MAP4K4: variants seen among roughly 807,000 people sequenced by gnomAD.
MAP4K4 encodes the protein mitogen-activated protein kinase kinase kinase kinase 4.
Under a neutral mutation model 189.6 loss-of-function variants are expected in MAP4K4, and 38 were observed. The observed-to-expected ratio is 0.20, with a 90% CI of 0.15 to 0.26. The LOEUF (loss-of-function observed/expected upper bound fraction) is 0.26. MAP4K4 is among the 10% of genes least tolerant of loss of function. The pLI is 1.00. For missense variants in MAP4K4, 1,054 were observed against 1,726.9 expected (o/e 0.61, Z 6.91); for synonymous variants, 610 against 624.3 (o/e 0.98, Z 0.34).
intron 12 of MAP4K4, among the ~76,000 whole-genome samples, chr2:101,854,297 A>G (rs1216920240): frequency 6.6e-6 from 1 of 152,238 alleles, no homozygotes; most frequent in Non-Finnish European, 1.5e-5. Context: ...ACCTTGATAA[A>G]TAAAGATGGC....
chr2:101,805,795 A>G (rs543798824), intron 3 of MAP4K4, among the ~76,000 whole-genome samples: 2 of 152,338 alleles, frequency 1.3e-5, no homozygotes, highest in East Asian at 3.9e-4. Context: ...TTGTTGGCTT[A>G]CACAGCTTTC....
intron 3 of MAP4K4, among the ~76,000 whole-genome samples, chr2:101,814,624 G>A (rs955008166): frequency 5.9e-5 from 9 of 152,168 alleles, no homozygotes; most frequent in Non-Finnish European, 1.3e-4. Context: ...CATATTGGCA[G>A]ACTATAGCAA....
intron 5 of MAP4K4, 42 bp from the exon 6 acceptor site, chr2:101,829,462 A>G: frequency 7.5e-7 from 1 of 1,342,048 alleles, no homozygotes; most frequent in Non-Finnish European, 1.1e-6. Flanking sequence ...GTTTACTTAT[A>G]GTCACAGAAA....
intron 7 of MAP4K4, 114 bp downstream of exon 7, chr2:101,831,965 C>A (rs2096606184): frequency 7.8e-7 from 1 of 1,289,224 alleles, no homozygotes; most frequent in Non-Finnish European, 1.1e-6. Flanking sequence ...GGGAGGAAGA[C>A]CTTCAGTGAG....
chr2:101,712,574 A>C (rs2046215138), intron 2 of MAP4K4, among the ~76,000 whole-genome samples: 1 of 151,922 alleles, frequency 6.6e-6, no homozygotes, highest in African/African-American at 2.4e-5. Context: ...ATCTTGGCTC[A>C]CTGCAACCTC....
At chr2:101,890,325 G>A (rs946024189) in intron 32 of MAP4K4, among the ~76,000 whole-genome samples, 5 of 152,162 alleles carry the variant, frequency 3.3e-5, no homozygotes, top group African/African-American at 9.6e-5. Context: ...TTCCTTTGTT[G>A]TCTCACAATA....
intron 3 of MAP4K4, among the ~76,000 whole-genome samples, chr2:101,819,336 C>G (rs2095901928): frequency 6.6e-6 from 1 of 152,174 alleles, no homozygotes; most frequent in African/African-American, 2.4e-5. Flanking sequence ...CTAAAGACAA[C>G]ATAAAATACT....
intron 22 of MAP4K4, 173 bp downstream of exon 22, chr2:101,869,970 C>T: frequency 1.2e-6 from 1 of 814,984 alleles, no homozygotes; most frequent in Non-Finnish European, 1.9e-6. Flanking sequence ...TTGGTGTGTG[C>T]ATATGTCAGT....
At chr2:101,718,018 A>T (rs1044084957) in intron 2 of MAP4K4, among the ~76,000 whole-genome samples, 64 of 152,066 alleles carry the variant, frequency 4.2e-4, no homozygotes, top group African/African-American at 1.5e-3. Context: ...GCACTTTGGG[A>T]GGCCAAGGTG....
intron 2 of MAP4K4, among the ~76,000 whole-genome samples, chr2:101,700,900 T>A: frequency 6.6e-6 from 1 of 152,202 alleles, no homozygotes; most frequent in East Asian, 1.9e-4. Context: ...TTTAACTATT[T>A]AATTTCTAGA....
At chr2:101,864,890 A>G (rs781728061) in intron 17 of MAP4K4, 40 bp from the exon 18 acceptor site, 2 of 1,302,706 alleles carry the variant, frequency 1.5e-6, no homozygotes, top group Admixed American at 2.4e-5. Flanking sequence ...TTTCCTTTTC[A>G]TGTTTTCAAT....
intron 2 of MAP4K4, among the ~76,000 whole-genome samples, chr2:101,709,931 T>A (rs923158063): frequency 1.5e-4 from 23 of 152,222 alleles, no homozygotes; most frequent in Admixed American, 6.5e-4. Context: ...AAAATTAAGT[T>A]AAGTAATAGT....
intron 3 of MAP4K4, among the ~76,000 whole-genome samples, chr2:101,820,428 C>T (rs940040823): frequency 5.9e-5 from 9 of 152,116 alleles, no homozygotes; most frequent in Admixed American, 6.6e-5. Flanking sequence ...TTTTGATTTT[C>T]CCCTATTCAT....
chr2:101,767,739 C>T (rs1043127541), intron 2 of MAP4K4, among the ~76,000 whole-genome samples: 2 of 152,224 alleles, frequency 1.3e-5, no homozygotes, highest in Non-Finnish European at 1.5e-5. Flanking sequence ...GATGCTCCTT[C>T]TAACTGACAC....
intron 2 of MAP4K4, among the ~76,000 whole-genome samples, chr2:101,780,191 T>G (rs908156760): frequency 6.6e-6 from 1 of 152,118 alleles, no homozygotes; most frequent in African/African-American, 2.4e-5. Context: ...TAATTGAAGG[T>G]TGAGTTGGTA....
At chr2:101,876,864 C>G in intron 26 of MAP4K4, 139 bp from the exon 27 acceptor site, 1 of 757,250 alleles carries the variant, frequency 1.3e-6, no homozygotes, top group Non-Finnish European at 2.1e-6. Context: ...TAACCTTTGA[C>G]TATTTTAAGG....
At chr2:101,714,799 G>C (rs1387072816) in intron 2 of MAP4K4, among the ~76,000 whole-genome samples, 1 of 152,106 alleles carries the variant, frequency 6.6e-6, no homozygotes, top group Non-Finnish European at 1.5e-5. Flanking sequence ...TCTAAGATTT[G>C]TTCCATAGGC....
At chr2:101,794,613 G>GCTTGTCTTAAAGACAGT (rs1321221830) in intron 3 of MAP4K4, among the ~76,000 whole-genome samples, 4 of 152,170 alleles carry the variant, frequency 2.6e-5, no homozygotes, top group Admixed American at 2.0e-4. Flanking sequence ...ATTTGAGCAT[G>GCTTGTCTTAAAGACAGT]CTTGTCTTAA....
chr2:101,741,469 G>C (rs2062799441), intron 2 of MAP4K4, among the ~76,000 whole-genome samples: 1 of 152,054 alleles, frequency 6.6e-6, no homozygotes, highest in African/African-American at 2.4e-5. Flanking sequence ...CACCCGGCCA[G>C]TAGTAGGTGT....
Sources: allele counts gnomAD v4.1 joint callset (sites outside exome capture counted in the v4.1 genomes callset), GRCh38; gene constraint gnomAD v4.1.1; transcripts MANE v1.5; gene names NCBI Gene and HGNC (gene_info 2026-07-23, HGNC 2026-07-21).